CORO2A: variants seen among roughly 807,000 people sequenced by gnomAD.
The protein encoded by CORO2A is coronin-2A.
A neutral mutation model predicts 62.4 loss-of-function variants in CORO2A; 47 were observed. The ratio of observed to expected loss-of-function variants is 0.75; its 90% confidence interval spans 0.60 to 0.96. The LOEUF (loss-of-function observed/expected upper bound fraction) is 0.96, where lower values mean the gene tolerates loss of function less well. Among genes scored for constraint, CORO2A ranks in the 40% least tolerant of loss-of-function variants. The probability of loss-of-function intolerance (pLI) is 0.00; values close to 1 mark genes in which losing one functional copy is unlikely to be tolerated. For synonymous variants in CORO2A, 273 were observed against 268.9 expected, an observed-to-expected ratio of 1.02 and a Z score of -0.15; for missense variants, 610 against 684.1, an observed-to-expected ratio of 0.89 and a Z score of 1.21.
In CORO2A at chr9:98,128,697, G is replaced by C. The variant is rs368276546; in HGVS notation, c.990C>G (p.Leu330=). The C allele has an allele frequency of 6.2e-7, 1 of 1,614,114 alleles. No homozygotes were observed. Among genetic ancestry groups the C allele is most frequent in the Non-Finnish European group, 8.5e-7 (1 of 1,179,986 alleles). ...KGIGVMPKRG[L]DVSSCEIFRF... ...GGAAGATCTCGCAGGAGGACACGTC[G>C]AGTCCTCTCTTTGGCATGACACCTG... The change falls in exon 9 of 12, where the codon CTC becomes CTG. Residue 330 remains leucine (L), a synonymous_variant. Transcript: ENST00000375077.
intron 2 of CORO2A, among the ~76,000 whole-genome samples, chr9:98,147,619 C>T (rs1005416367): frequency 1.3e-5 from 2 of 152,008 alleles, no homozygotes; most frequent in Non-Finnish European, 2.9e-5. Flanking sequence ...CACAGGATGC[C>T]CAGTAAAATT....
At chr9:98,145,003 G>A (rs909680459) in intron 2 of CORO2A, among the ~76,000 whole-genome samples, 10 of 152,018 alleles carry the variant, frequency 6.6e-5, no homozygotes, top group African/African-American at 2.4e-4. Flanking sequence ...GATGAGAGGA[G>A]CATTTCTTGA....
intron 1 of CORO2A, 109 bp downstream of exon 1, chr9:98,192,450 C>A: frequency 6.8e-6 from 1 of 147,340 alleles, no homozygotes; most frequent in Non-Finnish European, 1.5e-5. Context: ...GCGCTCCGAG[C>A]CCCGCATCCC....
At chr9:98,132,983 C>T in intron 5 of CORO2A, 55 bp downstream of exon 5, 1 of 1,591,916 alleles carries the variant, frequency 6.3e-7, no homozygotes, top group Non-Finnish European at 8.6e-7. Context: ...TCTCTCTGTC[C>T]CCACTCTGCT....
rs1340048679 is a variant in CORO2A, at chr9:98,126,889, A to G, written c.1172-66T>C. Reference sequence around the variant, plus strand: ...GGGAAGATGGGCATATGGGGCACCAATGACACAGGCAGGCATGCAGAGACA... The same window carrying G: ...GGGAAGATGGGCATATGGGGCACCAGTGACACAGGCAGGCATGCAGAGACA... On this transcript the variant is annotated intron_variant, in intron 10 of 11. Coordinates refer to ENST00000375077, the MANE Select transcript of CORO2A (RefSeq NM_052820.4). 48 of 1,553,232 alleles carry G rather than the reference A, an allele frequency of 3.1e-5. No homozygotes were observed. The Admixed American group carries it at 8.1e-4, about 26-fold the overall frequency.
At chr9:98,182,864 C>T (rs10818575) in intron 1 of CORO2A, among the ~76,000 whole-genome samples, 50,617 of 152,164 alleles carry the variant, frequency 0.33, 9,825 homozygotes, top group African/African-American at 0.55. Flanking sequence ...ATGCAACTTA[C>T]AGTTTCTGTT....
chr9:98,183,165 A>G (rs1309849787), intron 1 of CORO2A, among the ~76,000 whole-genome samples: 1 of 139,584 alleles, frequency 7.2e-6, no homozygotes, highest in Non-Finnish European at 1.6e-5. Flanking sequence ...CTTGCTCAGA[A>G]AGCGGCCCAA....
chr9:98,142,271 A>G (rs1331496699), intron 2 of CORO2A, among the ~76,000 whole-genome samples: 1 of 152,228 alleles, frequency 6.6e-6, no homozygotes, highest in East Asian at 1.9e-4. Context: ...GAAATCCAGC[A>G]TGGAGTAGGG....
chr9:98,134,877 G>T lies in CORO2A; in HGVS notation c.397C>A (p.Arg133Ser), dbSNP rs544067311. Residue 133 changes from arginine to serine, a missense_variant, in exon 4 of 12, where the codon CGC (arginine) becomes AGC (serine). Transcript: ENST00000375077. Reference sequence around the variant, plus strand: ...TGCCACTCCACCAGGCCTACTCTGCGCGCGTGGCCCACGAGTTCCTTCCTG... The same window carrying T: ...TGCCACTCCACCAGGCCTACTCTGCTCGCGTGGCCCACGAGTTCCTTCCTG... ...AYRKELVGHA[R>S]RVGLVEWHPT... 22 of 1,614,058 alleles carry T rather than the reference G, an allele frequency of 1.4e-5. No homozygotes were observed. The highest frequency in any genetic ancestry group is 1.9e-5 in the Non-Finnish European group (22 of 1,180,038).
At chr9:98,174,814 CT>C (rs745355788) in intron 1 of CORO2A, among the ~76,000 whole-genome samples, 3 of 152,244 alleles carry the variant, frequency 2.0e-5, no homozygotes, top group East Asian at 1.9e-4. Context: ...AACCTCTTTC[CT>C]TTATAAATTA....
chr9:98,128,609 G>T lies in CORO2A; in HGVS notation c.1078C>A (p.Arg360=). 6.2e-7 allele frequency: 1 copy of T among 1,613,978 alleles called. No homozygotes were observed. The highest frequency in any genetic ancestry group is 8.5e-7 in the Non-Finnish European group (1 of 1,179,880). ...CATGCGGTCCCGACTGCCCTTACCC[G>T]CCGGGGCACAATCATGGAGATGGGC... The part of the protein sequence containing the change: ...IEPISMIVPR[R]SESYQEDIYP... The change falls in exon 9 of 12, where the codon CGG becomes AGG. Residue 360 remains arginine (R), a splice_region_variant and synonymous_variant. Coordinates refer to ENST00000375077, the MANE Select transcript of CORO2A (RefSeq NM_052820.4).
intron 1 of CORO2A, among the ~76,000 whole-genome samples, chr9:98,166,427 A>G (rs1020273005): frequency 2.6e-5 from 4 of 152,372 alleles, no homozygotes; most frequent in Non-Finnish European, 5.9e-5. Flanking sequence ...GTGAAAAGGC[A>G]ACATATGGAA....
chr9:98,177,408 C>T, intron 1 of CORO2A, among the ~76,000 whole-genome samples: 1 of 149,554 alleles, frequency 6.7e-6, no homozygotes, highest in South Asian at 2.1e-4. Flanking sequence ...TTAGAGGTAG[C>T]AGGAGCAAGG....
chr9:98,127,750 G>A (rs1827346173), intron 10 of CORO2A, among the ~76,000 whole-genome samples: 1 of 149,712 alleles, frequency 6.7e-6, no homozygotes, highest in South Asian at 2.1e-4. Context: ...GGGGTGGGGT[G>A]GAGGTTGCAG....
intron 1 of CORO2A, among the ~76,000 whole-genome samples, chr9:98,178,360 T>G (rs1455708253): frequency 6.6e-6 from 1 of 152,260 alleles, no homozygotes; most frequent in Non-Finnish European, 1.5e-5. Flanking sequence ...CTTGTCTTCA[T>G]GTACTAGCAT....
chr9:98,189,978 G>A (rs958179728), intron 1 of CORO2A, among the ~76,000 whole-genome samples: 15 of 151,828 alleles, frequency 9.9e-5, no homozygotes, highest in Non-Finnish European at 2.1e-4. Flanking sequence ...TCTGCCTCCC[G>A]GGTTCAAGTG....
intron 1 of CORO2A, among the ~76,000 whole-genome samples, chr9:98,181,564 C>T (rs561459184): frequency 3.3e-5 from 5 of 152,152 alleles, no homozygotes; most frequent in African/African-American, 7.2e-5. Context: ...TGAGCAGACC[C>T]CTCGGCGGCC....
At chr9:98,184,258 C>T (rs1039194298) in intron 1 of CORO2A, among the ~76,000 whole-genome samples, 2 of 151,286 alleles carry the variant, frequency 1.3e-5, no homozygotes, top group African/African-American at 4.9e-5. Context: ...GAGGCAATGT[C>T]TTACTTTGTT....
At chr9:98,131,148 C>A in intron 6 of CORO2A, 89 bp from the exon 7 acceptor site, 1 of 833,906 alleles carries the variant, frequency 1.2e-6, no homozygotes, top group Non-Finnish European at 2.0e-6. Context: ...TGCCATGGTG[C>A]TCTGGGCGAG....
Sources: allele counts gnomAD v4.1 joint callset (sites outside exome capture counted in the v4.1 genomes callset), GRCh38; gene constraint gnomAD v4.1.1; transcripts MANE v1.5; gene names NCBI Gene and HGNC (gene_info 2026-07-23, HGNC 2026-07-21).